KNG1: variants seen among roughly 807,000 people sequenced by gnomAD.
KNG1 encodes kininogen-1.
A neutral mutation model predicts 47.8 loss-of-function variants in KNG1; 23 were observed. The ratio of observed to expected loss-of-function variants is 0.48; its 90% CI spans 0.35 to 0.68. KNG1 has a LOEUF of 0.68. Ranked by LOEUF, KNG1 falls within the 30% of genes least tolerant of loss-of-function variation. The pLI is 0.01. For synonymous variants in KNG1, 277 were observed against 277.0 expected (o/e 1.00, Z 0.00); for missense variants, 762 against 790.2 (o/e 0.96, Z 0.43).
In KNG1 at chr3:186,742,419, A is replaced by T; in HGVS notation, c.*88A>T. 4.4e-6 allele frequency: 7 copies of T among 1,582,946 alleles called. No homozygotes were observed. The highest frequency in any genetic ancestry group is 6.0e-6 in the Non-Finnish European group (7 of 1,171,090). On this transcript the variant is annotated 3_prime_UTR_variant, in exon 10 of 10. Coordinates refer to ENST00000644859, the MANE Select transcript of KNG1 (RefSeq NM_001102416.3). ...GTCCAGATGAAAATATCCTGATATA[A>T]TGCACCAAAAACCATGCAGCTTCGG... is the stretch of plus-strand genomic sequence containing the variant.
intron 5 of KNG1, among the ~76,000 whole-genome samples, chr3:186,728,183 A>G (rs1287755240): frequency 5.9e-5 from 9 of 152,158 alleles, no homozygotes; most frequent in Non-Finnish European, 1.2e-4. Context: ...GGTATATCTC[A>G]AGGTAGTAGT....
intron 5 of KNG1, among the ~76,000 whole-genome samples, chr3:186,728,144 T>C (rs951553083): frequency 2.0e-5 from 3 of 152,202 alleles, no homozygotes; most frequent in Non-Finnish European, 4.4e-5. Context: ...CATCGTATCT[T>C]GTTATCTGAA....
chr3:186,739,239 T>C, intron 8 of KNG1, 33 bp downstream of exon 8: 2 of 1,589,894 alleles, frequency 1.3e-6, no homozygotes, highest in Admixed American at 1.7e-5. Flanking sequence ...ACTTTTTCAC[T>C]GGAAGCCTAT....
chr3:186,732,515 A>G lies in KNG1; in HGVS notation c.771A>G (p.Val257=). ...TGATCCTTTCAGGGAAGGATTTTGT[A>G]CAACCACCTACCAAGATTTGCGTGG... ...NCDIYPGKDF[V]QPPTKICVGC... The change falls in exon 7 of 10, where the codon GTA becomes GTG. Residue 257 remains valine (V), a synonymous_variant. Transcript: ENST00000644859. 2 of 1,614,188 alleles carry G rather than the reference A, an allele frequency of 1.2e-6. No homozygotes were observed. The highest frequency in any genetic ancestry group is 1.7e-6 in the Non-Finnish European group (2 of 1,180,024).
rs763620717 is a variant in KNG1 at position 186,731,584 on chromosome 3, C to G, written c.712C>G (p.Gln238Glu). Residue 238 changes from glutamine to glutamate, a missense_variant, in exon 6 of 10, where the codon CAG becomes GAG. Transcript: ENST00000644859. Reference protein sequence around the residue: ...ECTDNAYIDIQLRIASFSQNC... With the variant: ...ECTDNAYIDIELRIASFSQNC... ...TACAGATAATGCATACATCGATATTCAGCTACGAATTGCTTCCTTCTCACA... is the reference window on the plus strand; with the variant it reads ...TACAGATAATGCATACATCGATATTGAGCTACGAATTGCTTCCTTCTCACA... 3.1e-6 allele frequency: 5 copies of G among 1,612,076 alleles called. No homozygotes were observed. The highest frequency in any genetic ancestry group is 4.2e-6 in the Non-Finnish European group (5 of 1,178,124).
chr3:186,742,425 C>G lies in KNG1; in HGVS notation c.*94C>G. On this transcript the variant is annotated 3_prime_UTR_variant, in exon 10 of 10. Transcript: ENST00000644859. ...ATGAAAATATCCTGATATAATGCAC[C>G]AAAAACCATGCAGCTTCGGAACAGT... The G allele has an allele frequency of 6.4e-7, 1 of 1,574,720 alleles. No individual in the cohort carries two copies. Among genetic ancestry groups the G allele is most frequent in the Non-Finnish European group, 8.6e-7 (1 of 1,167,550 alleles).
At chr3:186,735,471 A>T (rs141154796) in intron 7 of KNG1, among the ~76,000 whole-genome samples, 5,661 of 152,136 alleles carry the variant, frequency 0.037, 319 homozygotes, top group African/African-American at 0.13. Context: ...TACAAAAATC[A>T]GCTGGGTGTG....
chr3:186,742,536 T>C lies in KNG1; in HGVS notation c.*205T>C, dbSNP rs1720844255. 1 of 1,399,468 alleles carries C rather than the reference T, an allele frequency of 7.1e-7. No homozygotes were observed. Among genetic ancestry groups the C allele is most frequent in the African/African-American group, 1.4e-5 (1 of 69,166 alleles). The allele number at this position is 1,399,468 out of a possible 1,614,324, so 86.7% of individuals were successfully genotyped here. ...ATTGTGTGCCACAATTCTAACTCTT[T>C]TCTGAATCTTCTTCCCAAGTTTTCT... is the stretch of plus-strand genomic sequence containing the variant. On this transcript the variant is annotated 3_prime_UTR_variant, in exon 10 of 10. Coordinates refer to ENST00000644859, the MANE Select transcript of KNG1 (RefSeq NM_001102416.3).
Position 186,744,001 on chromosome 3 carries a change from A to C in KNG1, c.*1670A>C. 6.7e-6 allele frequency: 4 copies of C among 593,416 alleles called. No homozygotes were observed. The highest frequency in any genetic ancestry group is 1.8e-5 in the South Asian group (1 of 54,402). The allele number at this position is 593,416 out of a possible 1,614,324, so 36.8% of individuals were successfully genotyped here. ...CCCTACCCATTCTGCAGCAAATTCC[A>C]GCTGGTCAGAGAGTCAGTGCTGTGG... On this transcript the variant is annotated 3_prime_UTR_variant, in exon 10 of 10. Transcript: ENST00000644859.
chr3:186,739,455 C>T (rs1560069778), intron 9 of KNG1, 41 bp downstream of exon 9: 1 of 1,329,288 alleles, frequency 7.5e-7, no homozygotes, highest in Non-Finnish European at 1.1e-6. Flanking sequence ...CAGTTCTGCT[C>T]ATTCTGAAAA....
At chr3:186,732,080 C>G (rs1052541136) in intron 6 of KNG1, among the ~76,000 whole-genome samples, 2 of 152,136 alleles carry the variant, frequency 1.3e-5, no homozygotes, top group Non-Finnish European at 2.9e-5. Flanking sequence ...TTTCTTATAA[C>G]AAGGGTGTGC....
chr3:186,734,891 T>C (rs769927719), intron 7 of KNG1: 1 of 152,134 alleles, frequency 6.6e-6, no homozygotes, highest in African/African-American at 2.4e-5. Context: ...TTTTAGGTGA[T>C]GGAATAACAC....
intron 1 of KNG1, chr3:186,717,990 TCACCCACCAC>T (rs1173460675): frequency 6.1e-6 from 1 of 163,626 alleles, no homozygotes; most frequent in South Asian, 4.4e-5. Flanking sequence ...CCCACCATCA[TCACCCACCAC>T]CACCCACCAC....
intron 7 of KNG1, among the ~76,000 whole-genome samples, chr3:186,733,004 T>G (rs1560067213): frequency 6.6e-6 from 1 of 152,130 alleles, no homozygotes. Context: ...TACCAGCACT[T>G]TGGGAGGCCA....
chr3:186,743,886 G>GA lies in KNG1; in HGVS notation c.*1556dup, dbSNP rs1472264007. Reference sequence around the variant, plus strand: ...AGAAAGATGGGATAGAATTTAAATAGAGAAGAATGCCATTTTATCACTCTG... The same window carrying GA: ...AGAAAGATGGGATAGAATTTAAATAGAAGAAGAATGCCATTTTATCACTCTG... On this transcript the variant is annotated 3_prime_UTR_variant, in exon 10 of 10. Transcript: ENST00000644859. 4.8e-6 allele frequency: 4 copies of GA among 839,030 alleles called. No homozygotes were observed. The African/African-American group carries it at 6.7e-5, about 14-fold the overall frequency. The allele number at this position is 839,030 out of a possible 1,614,324, so 52.0% of individuals were successfully genotyped here.
chr3:186,739,528 A>G, intron 9 of KNG1, 114 bp downstream of exon 9: 1 of 756,168 alleles, frequency 1.3e-6, no homozygotes, highest in African/African-American at 1.7e-5. Flanking sequence ...TCTTTTTTAA[A>G]TGGGGAGTAA....
Position 186,739,083 on chromosome 3 carries a change from C to G in KNG1, c.931-16C>G. ...AATATTTTTAAGCGTTTACTTTGTACTAATTAATTTTTCAGGTGGTGGCTG... is the reference window on the plus strand; with the variant it reads ...AATATTTTTAAGCGTTTACTTTGTAGTAATTAATTTTTCAGGTGGTGGCTG... On this transcript the variant is annotated splice_polypyrimidine_tract_variant and intron_variant, in intron 7 of 9. Coordinates refer to ENST00000644859, the MANE Select transcript of KNG1 (RefSeq NM_001102416.3). 6.4e-7 allele frequency: 1 copy of G among 1,572,042 alleles called. No individual in the cohort carries two copies. The highest frequency in any genetic ancestry group is 8.8e-7 in the Non-Finnish European group (1 of 1,141,802).
chr3:186,720,306 G>C, intron 2 of KNG1, 91 bp downstream of exon 2: 1 of 797,434 alleles, frequency 1.3e-6, no homozygotes, highest in Non-Finnish European at 2.2e-6. Flanking sequence ...CTACTGGTGA[G>C]CCTGTTTATG....
rs763065579 is a variant in KNG1 at position 186,742,841 on chromosome 3, G to A, written c.*510G>A. On this transcript the variant is annotated 3_prime_UTR_variant, in exon 10 of 10. Coordinates refer to ENST00000644859, the MANE Select transcript of KNG1 (RefSeq NM_001102416.3). ...GCGGAGGTTGCAGTGAGCCGAGATC[G>A]TGCCACTGCGCTCCAGCCTGGGCAT... The A allele has an allele frequency of 7.6e-5, 71 of 932,656 alleles. 1 individual carries two copies. The highest frequency in any genetic ancestry group is 1.1e-3 in the Middle Eastern group (2 of 1,788). The allele number at this position is 932,656 out of a possible 1,614,324, so 57.8% of individuals were successfully genotyped here.
Sources: gnomAD v4.1 joint callset for allele counts (sites outside exome capture counted in the v4.1 genomes callset) on GRCh38, gnomAD v4.1.1 for gene constraint, MANE v1.5 for transcripts, NCBI Gene and HGNC (gene_info 2026-07-23, HGNC 2026-07-21) for gene names.